TNC: variants seen among roughly 807,000 people sequenced by gnomAD.
TNC encodes tenascin C.
TNC carries 109 observed loss-of-function variants against 202.4 expected under a neutral mutation model. That is an observed-to-expected ratio of 0.54 (90% CI 0.46 to 0.63). TNC has a LOEUF of 0.63. Ranked by LOEUF, TNC falls within the 30% of genes least tolerant of loss-of-function variation. The pLI is 0.00. For missense variants in TNC, 2,756 were observed against 2,833.3 expected (o/e 0.97, Z 0.62); for synonymous variants, 1,007 against 1,089.7 (o/e 0.92, Z 1.50).
chr9:115,026,519 C>T lies in TNC; in HGVS notation c.6331+15G>A, dbSNP rs1485290006. On this transcript the variant is annotated intron_variant, in intron 26 of 27. Coordinates refer to ENST00000350763, the MANE Select transcript of TNC (RefSeq NM_002160.4). Reference sequence around the variant, plus strand: ...TCCATGGCTTTGTAGGCTCTACGTGCAGCCACTACTGTACCTGCTGTCCCA... The same window carrying T: ...TCCATGGCTTTGTAGGCTCTACGTGTAGCCACTACTGTACCTGCTGTCCCA... 3 of 1,613,094 alleles carry T rather than the reference C, an allele frequency of 1.9e-6. No homozygotes were observed. Among genetic ancestry groups the T allele is most frequent in the South Asian group, 1.1e-5 (1 of 91,024 alleles).
chr9:115,033,372 T>C (rs1177005481), intron 22 of TNC, among the ~76,000 whole-genome samples: 1 of 152,192 alleles, frequency 6.6e-6, no homozygotes, highest in African/African-American at 2.4e-5. Flanking sequence ...GCTGGGTTCA[T>C]TGAATTACTT....
At chr9:115,023,920 C>T (rs962431791) in intron 27 of TNC, 53 bp downstream of exon 27, 40 of 1,580,438 alleles carry the variant, frequency 2.5e-5, no homozygotes, top group Non-Finnish European at 3.4e-5. Context: ...CTTCCATTAG[C>T]CCCCTCCAGC....
At chr9:115,045,922 G>T (rs1055736062) in intron 17 of TNC, among the ~76,000 whole-genome samples, 1 of 152,020 alleles carries the variant, frequency 6.6e-6, no homozygotes, top group African/African-American at 2.4e-5. Flanking sequence ...ATAGATAGAC[G>T]TGCTGCTTCT....
chr9:115,029,068 A>G (rs1429296394), intron 25 of TNC, among the ~76,000 whole-genome samples: 1 of 146,214 alleles, frequency 6.8e-6, no homozygotes, highest in African/African-American at 2.5e-5. Context: ...CATGGACCAC[A>G]GGCTGTTCCT....
chr9:115,063,095 C>A lies in TNC; in HGVS notation c.3855G>T (p.Gln1285His). Reference protein sequence around the residue: ...NWTTPDGTYDQFTIQVQEADQ... With the variant: ...NWTTPDGTYDHFTIQVQEADQ... ...CAGCCTCCTGGACCTGAATAGTAAA[C>A]TGGTCATAGGTTCCATCTGGCGTGG... The change falls in exon 13 of 28, where the codon CAG becomes CAT. Residue 1285 changes from glutamine (Q) to histidine (H), a missense_variant. Coordinates refer to ENST00000350763, the MANE Select transcript of TNC (RefSeq NM_002160.4). 1 of 1,614,142 alleles carries A rather than the reference C, an allele frequency of 6.2e-7. No homozygotes were observed. The highest frequency in any genetic ancestry group is 8.5e-7 in the Non-Finnish European group (1 of 1,180,014).
rs61492592 is a variant in TNC, at chr9:115,079,227, C to CT, written c.2405-1016dup. On this transcript the variant is annotated intron_variant, in intron 6 of 27. Coordinates refer to ENST00000350763, the MANE Select transcript of TNC (RefSeq NM_002160.4). Reference sequence around the variant, plus strand: ...TGAATCTTTCTTTCTTCTTCTTCTCCTTTTTTTTTTTTTAAATGTGTTTTC... The same window carrying CT: ...TGAATCTTTCTTTCTTCTTCTTCTCCTTTTTTTTTTTTTTAAATGTGTTTTC... 2.0e-3 allele frequency among the ~76,000 whole-genome samples: 284 copies of CT among 143,112 alleles called. 1 individual carries two copies. Among genetic ancestry groups the CT allele is most frequent in the South Asian group, 0.013 (59 of 4,470 alleles). The allele number at this position is 143,112 out of a possible 152,430, so 93.9% of individuals were successfully genotyped here. A position where few individuals can be genotyped will look rare whatever the true frequency, so the allele number is the denominator to read the frequency against.
At position 115,086,157 on chromosome 9, in the gene TNC, G is replaced by A. The variant is rs1834705917; in HGVS notation, c.1574C>T (p.Pro525Leu). Reference sequence around the variant, plus strand: ...TGGACAGGAGAGTTCTGCACAGTCAGGGCCGGTGAAGCCGTCCTCACAGAC... The same window carrying A: ...TGGACAGGAGAGTTCTGCACAGTCAAGGCCGGTGAAGCCGTCCTCACAGAC... ...QCVCEDGFTG[P>L]DCAELSCPND... Residue 525 changes from proline to leucine, a missense_variant, in exon 3 of 28, where the codon CCT (proline) becomes CTT (leucine). Around this residue, in one of 2 missense-constraint regions of TNC, gnomAD observed 2,559 missense variants for 2,546.0 expected, o/e 1.01. Transcript: ENST00000350763. The A allele has an allele frequency of 6.2e-7, 1 of 1,614,124 alleles. No homozygotes were observed. Among genetic ancestry groups the A allele is most frequent in the African/African-American group, 1.3e-5 (1 of 75,030 alleles).
intron 1 of TNC, among the ~76,000 whole-genome samples, chr9:115,092,445 A>C (rs751504726): frequency 6.6e-6 from 1 of 152,248 alleles, no homozygotes; most frequent in Non-Finnish European, 1.5e-5. Context: ...TGGCAGTTAT[A>C]ATATTTACTA....
chr9:115,106,732 A>G (rs1177224192), intron 1 of TNC, among the ~76,000 whole-genome samples: 4 of 152,204 alleles, frequency 2.6e-5, no homozygotes. Flanking sequence ...GCTTCACACT[A>G]TGTACTATCT....
intron 10 of TNC, 90 bp downstream of exon 10, chr9:115,073,513 T>C: frequency 2.7e-6 from 4 of 1,489,034 alleles, no homozygotes; most frequent in Non-Finnish European, 3.6e-6. Context: ...CTTTTGCATT[T>C]GGCTTTCTCA....
chr9:115,101,147 AAAG>A (rs1836203724), intron 1 of TNC, among the ~76,000 whole-genome samples: 1 of 152,238 alleles, frequency 6.6e-6, no homozygotes, highest in Non-Finnish European at 1.5e-5. Flanking sequence ...ATACAACACC[AAAG>A]AAGATAAACA....
At chr9:115,109,231 A>G (rs1362556803) in intron 1 of TNC, among the ~76,000 whole-genome samples, 1 of 152,236 alleles carries the variant, frequency 6.6e-6, no homozygotes, top group Non-Finnish European at 1.5e-5. Flanking sequence ...AACAGGTAAC[A>G]AAACAATGAC....
At chr9:115,026,796 G>A (rs1829520738) in intron 25 of TNC, 101 bp from the exon 26 acceptor site, 3 of 984,882 alleles carry the variant, frequency 3.0e-6, no homozygotes, top group Middle Eastern at 4.2e-4. Context: ...TTAAGACAGG[G>A]CCAACTGGGC....
intron 3 of TNC, 27 bp from the exon 4 acceptor site, chr9:115,084,499 G>T (rs1372237893): frequency 1.2e-6 from 2 of 1,606,860 alleles, no homozygotes; most frequent in Non-Finnish European, 1.7e-6. Flanking sequence ...AGGACATCTG[G>T]TGTCAACAGT....
chr9:115,113,800 C>T (rs929291823), intron 1 of TNC, among the ~76,000 whole-genome samples: 5 of 152,146 alleles, frequency 3.3e-5, no homozygotes, highest in Admixed American at 2.6e-4. Context: ...AGGGATTTTC[C>T]GTTCGCGATC....
intron 1 of TNC, among the ~76,000 whole-genome samples, chr9:115,110,776 A>T (rs1404763722): frequency 6.6e-6 from 1 of 152,198 alleles, no homozygotes; most frequent in African/African-American, 2.4e-5. Context: ...AAGAGAAATT[A>T]TGGCTAACCA....
At chr9:115,035,922 T>C (rs761729148) in intron 21 of TNC, 176 bp downstream of exon 21, 1 of 699,532 alleles carries the variant, frequency 1.4e-6, no homozygotes, top group Non-Finnish European at 2.3e-6. Context: ...AAGGAAATAG[T>C]GTGTTTCTTC....
chr9:115,030,196 T>C, intron 24 of TNC, 58 bp downstream of exon 24: 1 of 1,527,410 alleles, frequency 6.5e-7, no homozygotes, highest in African/African-American at 1.4e-5. Context: ...CCTCCCCTGC[T>C]TTGCCCTCTC....
At chr9:115,111,870 C>G (rs944044121) in intron 1 of TNC, among the ~76,000 whole-genome samples, 1 of 152,120 alleles carries the variant, frequency 6.6e-6, no homozygotes, top group African/African-American at 2.4e-5. Context: ...ACCACATCAA[C>G]AAGCTTGGAA....
Sources: allele counts gnomAD v4.1 joint callset (sites outside exome capture counted in the v4.1 genomes callset), GRCh38; gene constraint gnomAD v4.1.1; regional missense constraint gnomAD v4.1.1; transcripts MANE v1.5; gene names NCBI Gene and HGNC (gene_info 2026-07-23, HGNC 2026-07-21).